PTPRD: variants seen among roughly 807,000 people sequenced by gnomAD.
PTPRD encodes receptor-type tyrosine-protein phosphatase delta.
Under a neutral mutation model 214.5 loss-of-function variants are expected in PTPRD, and 34 were observed. The ratio of observed to expected loss-of-function variants is 0.16; its 90% CI spans 0.12 to 0.21. The LOEUF is 0.21. Ranked by LOEUF, PTPRD falls within the 10% of genes least tolerant of loss-of-function variation. The pLI is 1.00. For missense variants in PTPRD, 2,545 were observed against 2,398.7 expected (o/e 1.06, Z -1.27); for synonymous variants, 1,128 against 845.7 (o/e 1.33, Z -5.79).
rs1233827066 is a variant in PTPRD at position 9,931,953 on chromosome 9, C to G, written c.-368+6554G>C. ...CGAGCAGCCTAACTGGGAGGCACCC[C>G]CCAGCAGGGGCACACTGACACCTCA... is the stretch of plus-strand genomic sequence containing the variant. On this transcript the variant is annotated intron_variant, in intron 5 of 45. Transcript: ENST00000381196. Among the ~76,000 whole-genome samples, 3 of 151,816 alleles carry G rather than the reference C, an allele frequency of 2.0e-5. No individual in the cohort carries two copies. The East Asian group carries it at 5.9e-4, about 30-fold the overall frequency.
At chr9:8,369,115 T>C (rs1304541304) in intron 39 of PTPRD, among the ~76,000 whole-genome samples, 1 of 152,134 alleles carries the variant, frequency 6.6e-6, no homozygotes, top group African/African-American at 2.4e-5. Flanking sequence ...GCTTTGGCAA[T>C]ACTTGTGGTC....
At chr9:8,980,881 C>T (rs12554851) in intron 11 of PTPRD, among the ~76,000 whole-genome samples, 6,337 of 152,136 alleles carry the variant, frequency 0.042, 373 homozygotes, top group East Asian at 0.25. Flanking sequence ...AGACCATGAA[C>T]GGATAACATA....
intron 7 of PTPRD, among the ~76,000 whole-genome samples, chr9:9,581,629 C>A (rs982574058): frequency 1.3e-5 from 2 of 151,924 alleles, no homozygotes; most frequent in Non-Finnish European, 2.9e-5. Flanking sequence ...ACTGGATAGA[C>A]CCTTGGGAAA....
At chr9:9,801,846 G>A (rs1374983032) in intron 5 of PTPRD, among the ~76,000 whole-genome samples, 1 of 151,992 alleles carries the variant, frequency 6.6e-6, no homozygotes, top group African/African-American at 2.4e-5. Context: ...TGCCCTTTAA[G>A]GCATTTCCAT....
At chr9:10,250,401 T>C (rs188705704) in intron 3 of PTPRD, among the ~76,000 whole-genome samples, 1 of 152,096 alleles carries the variant, frequency 6.6e-6, no homozygotes, top group Non-Finnish European at 1.5e-5. Flanking sequence ...AGACAAGATG[T>C]ACTGGAACCA....
chr9:10,209,577 A>C (rs934749572), intron 3 of PTPRD, among the ~76,000 whole-genome samples: 1 of 151,956 alleles, frequency 6.6e-6, no homozygotes, highest in Non-Finnish European at 1.5e-5. Flanking sequence ...CTTAGTCCCT[A>C]AGGTTTTTTT....
intron 9 of PTPRD, among the ~76,000 whole-genome samples, chr9:9,221,713 G>C (rs2099956170): frequency 6.6e-6 from 1 of 151,958 alleles, no homozygotes; most frequent in Non-Finnish European, 1.5e-5. Context: ...GTTACATTGG[G>C]TGTTGGGGTT....
intron 9 of PTPRD, among the ~76,000 whole-genome samples, chr9:9,336,888 A>C (rs918277790): frequency 2.6e-5 from 4 of 152,146 alleles, no homozygotes; most frequent in Non-Finnish European, 5.9e-5. Flanking sequence ...CCTGTTGTGA[A>C]CTTCGACAGC....
At chr9:8,357,976 TGA>T (rs1202276864) in intron 39 of PTPRD, among the ~76,000 whole-genome samples, 1 of 152,182 alleles carries the variant, frequency 6.6e-6, no homozygotes, top group Non-Finnish European at 1.5e-5. Context: ...TCTTGGTCTT[TGA>T]GAGTAATTCT....
At chr9:9,305,667 G>A (rs1324068952) in intron 9 of PTPRD, among the ~76,000 whole-genome samples, 3 of 151,990 alleles carry the variant, frequency 2.0e-5, no homozygotes, top group Non-Finnish European at 4.4e-5. Context: ...CTTAAAATGA[G>A]GTCATATTGA....
At chr9:10,453,193 C>A (rs1441317256) in intron 2 of PTPRD, among the ~76,000 whole-genome samples, 1 of 151,532 alleles carries the variant, frequency 6.6e-6, no homozygotes, top group Non-Finnish European at 1.5e-5. Flanking sequence ...GTTTTCATAC[C>A]AATACCATAC....
At chr9:10,162,702 TATACAC>T (rs2099135605) in intron 3 of PTPRD, among the ~76,000 whole-genome samples, 1 of 146,826 alleles carries the variant, frequency 6.8e-6, no homozygotes, top group African/African-American at 2.5e-5. Flanking sequence ...TATATATACA[TATACAC>T]GTATATATAT....
At chr9:10,001,806 A>C (rs936786231) in intron 4 of PTPRD, among the ~76,000 whole-genome samples, 1 of 152,160 alleles carries the variant, frequency 6.6e-6, no homozygotes. Flanking sequence ...AGAGTCCTTC[A>C]GGTTGAAATG....
At chr9:8,860,462 G>A (rs1447547393) in intron 11 of PTPRD, 1 of 152,192 alleles carries the variant, frequency 6.6e-6, no homozygotes, top group East Asian at 1.9e-4. Context: ...GAAAGAAGTA[G>A]GGATGGGTCA....
chr9:10,493,293 C>T (rs999371461), intron 2 of PTPRD, among the ~76,000 whole-genome samples: 1 of 152,072 alleles, frequency 6.6e-6, no homozygotes, highest in Non-Finnish European at 1.5e-5. Context: ...ATAGCCATAA[C>T]AATCCTAAGC....
chr9:10,324,609 C>T (rs901458502), intron 3 of PTPRD, among the ~76,000 whole-genome samples: 28 of 151,964 alleles, frequency 1.8e-4, no homozygotes, highest in African/African-American at 6.5e-4. Flanking sequence ...CCTTCAATGG[C>T]TTCATATGCG....
chr9:9,797,967 G>A (rs2099014546), intron 5 of PTPRD, among the ~76,000 whole-genome samples: 2 of 152,160 alleles, frequency 1.3e-5, no homozygotes, highest in African/African-American at 2.4e-5. Context: ...GTTAATGTCT[G>A]AATACACGAA....
intron 5 of PTPRD, among the ~76,000 whole-genome samples, chr9:9,908,774 A>T (rs548858873): frequency 6.6e-6 from 1 of 152,138 alleles, no homozygotes; most frequent in Admixed American, 6.6e-5. Flanking sequence ...TAACATATTT[A>T]TCTATGAAAC....
chr9:10,606,373 T>C (rs1389497757), intron 2 of PTPRD, among the ~76,000 whole-genome samples: 1 of 151,780 alleles, frequency 6.6e-6, no homozygotes, highest in Non-Finnish European at 1.5e-5. Flanking sequence ...AATTTCTAAC[T>C]TTGATTATAA....
Sources: allele counts gnomAD v4.1 joint callset (sites outside exome capture counted in the v4.1 genomes callset), GRCh38; gene constraint gnomAD v4.1.1; transcripts MANE v1.5; gene names NCBI Gene and HGNC (gene_info 2026-07-23, HGNC 2026-07-21).